The following TLN2 variants were observed in gnomAD, a reference collection of about 807,000 sequenced individuals.
TLN2 encodes the protein talin 2, also known as talin-2.
A neutral mutation model predicts 294.7 loss-of-function variants in TLN2; 118 were observed. The observed-to-expected ratio is 0.40, with a 90% CI of 0.34 to 0.47. The LOEUF (loss-of-function observed/expected upper bound fraction) is 0.47. Ranked by LOEUF, TLN2 falls within the 20% of genes least tolerant of loss-of-function variation. The pLI, the probability that TLN2 is intolerant of heterozygous loss-of-function variation, is 0.84. For synonymous variants in TLN2, 1,431 were observed against 1,304.5 expected, an observed-to-expected ratio of 1.10 and a Z score of -2.09; for missense variants, 3,083 against 3,282.2, an observed-to-expected ratio of 0.94 and a Z score of 1.48.
intron 1 of TLN2, among the ~76,000 whole-genome samples, chr15:62,473,420 G>A (rs2037602986): frequency 6.6e-6 from 1 of 151,884 alleles, no homozygotes; most frequent in Admixed American, 6.6e-5. Context: ...AATTTAAAGA[G>A]TAACATGAAC....
chr15:62,402,893 C>T (rs2033131799), intron 1 of TLN2, among the ~76,000 whole-genome samples: 1 of 152,208 alleles, frequency 6.6e-6, no homozygotes, highest in Admixed American at 6.5e-5. Flanking sequence ...ATCAGTTTCT[C>T]ACTCTGATGG....
At chr15:62,446,341 C>A (rs948630152) in intron 1 of TLN2, among the ~76,000 whole-genome samples, 2 of 152,166 alleles carry the variant, frequency 1.3e-5, no homozygotes, top group Non-Finnish European at 2.9e-5. Context: ...ATCTTCTGAG[C>A]GCTTAACTCC....
chr15:62,600,776 C>T (rs2046928526), intron 2 of TLN2, among the ~76,000 whole-genome samples: 1 of 152,216 alleles, frequency 6.6e-6, no homozygotes, highest in Non-Finnish European at 1.5e-5. Flanking sequence ...TGTCCCCTTC[C>T]CTCTTCCCAC....
rs1567741738 is a variant in TLN2, at chr15:62,844,088, G to C, written c.*3478G>C. The C allele has an allele frequency of 6.6e-6, 1 of 152,262 alleles. No homozygotes were observed. The highest frequency in any genetic ancestry group is 1.5e-5 in the Non-Finnish European group (1 of 68,110). The allele number at this position is 152,262 out of a possible 1,614,324, so 9.4% of individuals were successfully genotyped here. On this transcript the variant is annotated 3_prime_UTR_variant, in exon 59 of 59. Coordinates refer to ENST00000636159, the MANE Select transcript of TLN2 (RefSeq NM_015059.3). ...GGAGACATTCCCCTCAGGCTAAAAGGCAGCGGTCCCCAGAGTTCAGAAAGC... is the reference window on the plus strand; with the variant it reads ...GGAGACATTCCCCTCAGGCTAAAAGCCAGCGGTCCCCAGAGTTCAGAAAGC...
At chr15:62,578,979 T>C (rs969310712) in intron 1 of TLN2, among the ~76,000 whole-genome samples, 1 of 152,164 alleles carries the variant, frequency 6.6e-6, no homozygotes, top group Non-Finnish European at 1.5e-5. Context: ...GTTGCCATTT[T>C]ATGCAGAGAA....
Position 62,739,333 on chromosome 15 carries a change from G to A in TLN2, c.3688-15G>A, listed in dbSNP as rs375686407. Reference sequence around the variant, plus strand: ...AGCAGAATGTCTCATGGGGTGTGCCGTCTGTTCCCCACAGCTACCTCCAAG... The same window carrying A: ...AGCAGAATGTCTCATGGGGTGTGCCATCTGTTCCCCACAGCTACCTCCAAG... On this transcript the variant is annotated splice_polypyrimidine_tract_variant and intron_variant, in intron 30 of 58. Transcript: ENST00000636159. 1.4e-4 allele frequency: 225 copies of A among 1,608,978 alleles called. 1 individual carries two copies. The highest frequency in any genetic ancestry group is 6.5e-4 in the South Asian group (59 of 90,366).
In TLN2 at chr15:62,502,334, C is replaced by A. The variant is rs76798624; in HGVS notation, c.-237-87353C>A. 7.4e-3 allele frequency among the ~76,000 whole-genome samples: 1,135 copies of A among 152,352 alleles called. 20 individuals are homozygous for A. The highest frequency in any genetic ancestry group is 0.026 in the African/African-American group (1,084 of 41,580). On this transcript the variant is annotated intron_variant, in intron 1 of 58. Transcript: ENST00000636159. ...AGTTGCTAGAAAACAAAGGTTTGAA[C>A]TGCTGACTTCTTCTTGTGAGAATAT... is the stretch of plus-strand genomic sequence containing the variant.
At chr15:62,424,280 C>T (rs1275845236) in intron 1 of TLN2, among the ~76,000 whole-genome samples, 3 of 152,142 alleles carry the variant, frequency 2.0e-5, no homozygotes, top group African/African-American at 7.2e-5. Context: ...CCCTACGCTC[C>T]CTTTGAGGGC....
chr15:62,564,441 AG>A (rs1198746517), intron 1 of TLN2, among the ~76,000 whole-genome samples: 1 of 152,184 alleles, frequency 6.6e-6, no homozygotes, highest in African/African-American at 2.4e-5. Flanking sequence ...CAATCTGCAA[AG>A]TGGGAAGATT....
chr15:62,794,799 G>A (rs920913137), intron 46 of TLN2, among the ~76,000 whole-genome samples: 7 of 152,302 alleles, frequency 4.6e-5, no homozygotes, highest in East Asian at 1.9e-4. Flanking sequence ...TCAGCAGCAC[G>A]GGGGACAGAG....
intron 11 of TLN2, among the ~76,000 whole-genome samples, chr15:62,683,540 ATTGGTAGAATGCCTGCATTCTCCCG>A (rs1371941693): frequency 6.8e-6 from 1 of 146,506 alleles, no homozygotes; most frequent in African/African-American, 2.5e-5. Flanking sequence ...CCCGCCTCTC[ATTGGTAGAATGCCTGCATTCTCCCG>A]CCTCTCATTG....
intron 28 of TLN2, among the ~76,000 whole-genome samples, chr15:62,731,584 G>T (rs1226705257): frequency 6.6e-6 from 1 of 152,146 alleles, no homozygotes; most frequent in Non-Finnish European, 1.5e-5. Flanking sequence ...GTTTACCAGG[G>T]CTATTCTGTT....
rs1000529903 is a variant in TLN2, at chr15:62,694,340, C to T, written c.1240C>T (p.Leu414=). The change falls in exon 14 of 59, where the codon CTA becomes TTA. Residue 414 remains leucine, a synonymous_variant. Coordinates refer to ENST00000636159, the MANE Select transcript of TLN2 (RefSeq NM_015059.3). ...GAAACAAAGTAAAGATCGATTTGGA[C>T]TAGAAGGTGATGAGGAGTCAACCAT... ...KKKQSKDRFG[L]EGDEESTMLE... 1 of 1,614,052 alleles carries T rather than the reference C, an allele frequency of 6.2e-7. No individual in the cohort carries two copies. The highest frequency in any genetic ancestry group is 8.5e-7 in the Non-Finnish European group (1 of 1,179,992).
rs1595751151 is a variant in TLN2, at chr15:62,712,057, C to T, written c.2614C>T (p.Arg872Cys). 4.3e-6 allele frequency: 7 copies of T among 1,614,030 alleles called. No homozygotes were observed. The highest frequency in any genetic ancestry group is 2.7e-5 in the African/African-American group (2 of 75,050). The change falls in exon 22 of 59, where the codon CGC (arginine) becomes TGC (cysteine). Residue 872 changes from arginine to cysteine, a missense_variant. By Grantham distance (180) the Arg-to-Cys change is radical. Coordinates refer to ENST00000636159, the MANE Select transcript of TLN2 (RefSeq NM_015059.3). The part of the protein sequence containing the change: ...AAKLLADSTA[R>C]MVEAAKGAAA... Reference sequence around the variant, plus strand: ...AAAACTCTTAGCTGACTCCACTGCTCGCATGGTGGAAGCTGCAAAGGTATT... The same window carrying T: ...AAAACTCTTAGCTGACTCCACTGCTTGCATGGTGGAAGCTGCAAAGGTATT...
At chr15:62,619,322 A>G (rs1386644273) in intron 3 of TLN2, among the ~76,000 whole-genome samples, 1 of 152,350 alleles carries the variant, frequency 6.6e-6, no homozygotes, top group East Asian at 1.9e-4. Flanking sequence ...GCCCATTCTC[A>G]TAGCGCACCT....
intron 1 of TLN2, among the ~76,000 whole-genome samples, chr15:62,392,547 GA>G (rs2032187245): frequency 2.0e-5 from 3 of 152,190 alleles, no homozygotes; most frequent in Non-Finnish European, 4.4e-5. Context: ...CGGGAGTGGG[GA>G]ATCTTTACTT....
intron 3 of TLN2, among the ~76,000 whole-genome samples, chr15:62,626,368 A>G (rs2049283736): frequency 6.6e-6 from 1 of 152,206 alleles, no homozygotes; most frequent in Admixed American, 6.5e-5. Flanking sequence ...TAATCGCATA[A>G]ATAGTTCACT....
intron 37 of TLN2, among the ~76,000 whole-genome samples, chr15:62,759,430 CCAAA>C (rs56118016): frequency 0.21 from 31,261 of 151,862 alleles, 3,278 homozygotes; most frequent in East Asian, 0.25. Flanking sequence ...AACAAAAGCC[CCAAA>C]CAAACAAACA....
At chr15:62,463,594 G>A (rs2036938076) in intron 1 of TLN2, among the ~76,000 whole-genome samples, 1 of 152,132 alleles carries the variant, frequency 6.6e-6, no homozygotes, top group South Asian at 2.1e-4. Flanking sequence ...TCATTAAAAA[G>A]TCAGGAAACA....
Sources: gnomAD v4.1 joint callset for allele counts (sites outside exome capture counted in the v4.1 genomes callset) on GRCh38, gnomAD v4.1.1 for gene constraint, MANE v1.5 for transcripts, NCBI Gene and HGNC (gene_info 2026-07-23, HGNC 2026-07-21) for gene names.